RNF150: variants seen among roughly 807,000 people sequenced by gnomAD.
The protein encoded by RNF150 is ring finger protein 150.
RNF150 carries 24 observed loss-of-function variants against 39.3 expected under a neutral mutation model. The observed-to-expected ratio is 0.61, with a 90% CI of 0.44 to 0.86. RNF150 has a LOEUF of 0.86. Among genes scored for constraint, RNF150 ranks in the 40% least tolerant of loss-of-function variants. The pLI, the probability that RNF150 is intolerant of heterozygous loss-of-function variation, is 0.00. For missense variants in RNF150, 502 were observed against 587.8 expected (o/e 0.85, Z 1.51); for synonymous variants, 255 against 227.3 (o/e 1.12, Z -1.10).
intron 5 of RNF150, among the ~76,000 whole-genome samples, chr4:140,924,507 A>C (rs150798775): frequency 7.9e-5 from 12 of 152,190 alleles, no homozygotes; most frequent in Non-Finnish European, 1.5e-4. Flanking sequence ...ATAGGAACAC[A>C]TCAAAGGATG....
At chr4:141,123,739 C>T (rs1415097829) in intron 1 of RNF150, among the ~76,000 whole-genome samples, 5 of 152,064 alleles carry the variant, frequency 3.3e-5, no homozygotes, top group Non-Finnish European at 7.4e-5. Context: ...GTGTGGTGTT[C>T]CCCACCCTAT....
chr4:141,017,310 C>A (rs997580181), intron 1 of RNF150, among the ~76,000 whole-genome samples: 3 of 152,068 alleles, frequency 2.0e-5, no homozygotes, highest in Non-Finnish European at 2.9e-5. Flanking sequence ...TCACCTTAGA[C>A]ATCTTTTAAA....
At chr4:140,942,356 G>C (rs1039612591) in intron 4 of RNF150, among the ~76,000 whole-genome samples, 4 of 152,194 alleles carry the variant, frequency 2.6e-5, no homozygotes, top group Non-Finnish European at 5.9e-5. Flanking sequence ...AGAGAAGGCA[G>C]TGCTGCTCTC....
intron 1 of RNF150, among the ~76,000 whole-genome samples, chr4:141,031,072 G>A (rs1429204972): frequency 3.3e-5 from 5 of 151,890 alleles, no homozygotes. Flanking sequence ...AACTCCATTA[G>A]AACCCTGTAG....
At chr4:140,983,460 T>C (rs919170119) in intron 1 of RNF150, among the ~76,000 whole-genome samples, 5 of 152,166 alleles carry the variant, frequency 3.3e-5, no homozygotes, top group Non-Finnish European at 5.9e-5. Flanking sequence ...GGTAACTGCA[T>C]GTCTTTTTTG....
chr4:141,008,724 G>A (rs1379405537), intron 1 of RNF150, among the ~76,000 whole-genome samples: 1 of 152,118 alleles, frequency 6.6e-6, no homozygotes, highest in Non-Finnish European at 1.5e-5. Context: ...GTTCTGCTCT[G>A]ATTCTGGATT....
chr4:140,888,949 T>G (rs12640427), intron 6 of RNF150, among the ~76,000 whole-genome samples: 21,725 of 152,208 alleles, frequency 0.14, 1,837 homozygotes, highest in East Asian at 0.38. Context: ...ACGAAGGAGA[T>G]AGATAAGAAA....
At chr4:140,971,199 A>AG (rs1733449444) in intron 1 of RNF150, among the ~76,000 whole-genome samples, 1 of 151,968 alleles carries the variant, frequency 6.6e-6, no homozygotes, top group Admixed American at 6.6e-5. Flanking sequence ...AGTTTCAGGG[A>AG]GAAGCCAGCA....
chr4:141,011,919 C>T (rs1383977648), intron 1 of RNF150, among the ~76,000 whole-genome samples: 5 of 152,202 alleles, frequency 3.3e-5, no homozygotes, highest in African/African-American at 1.2e-4. Context: ...ATTTTGGGAG[C>T]TTATCAAGGG....
chr4:141,154,490 G>T (rs948639258), intron 1 of RNF150, among the ~76,000 whole-genome samples: 7 of 152,206 alleles, frequency 4.6e-5, no homozygotes, highest in African/African-American at 1.7e-4. Flanking sequence ...TGGGCTAAAT[G>T]CTGGGGGGCT....
intron 1 of RNF150, among the ~76,000 whole-genome samples, chr4:141,068,914 C>A (rs1737571398): frequency 7.4e-6 from 1 of 135,874 alleles, no homozygotes; most frequent in African/African-American, 2.7e-5. Context: ...GATTTTGTAT[C>A]CTGAGACTTT....
At position 140,861,686 on chromosome 4, in the gene RNF150, T is replaced by C. The variant is rs1728497447; in HGVS notation, c.*6575A>G. On this transcript the variant is annotated 3_prime_UTR_variant, in exon 7 of 7. Transcript: ENST00000515673. ...CCCATTAGTACAGGCAACAGTTTTG[T>C]ATCTTCTTCGAAAGAGCAGGATATA... The C allele has an allele frequency of 1.3e-5, 2 of 152,244 alleles. No homozygotes were observed. The allele number at this position is 152,244 out of a possible 1,614,324, so 9.4% of individuals were successfully genotyped here. A position where few individuals can be genotyped will look rare whatever the true frequency, so the allele number is the denominator to read the frequency against.
chr4:140,970,380 TC>T lies in RNF150; in HGVS notation c.485-2508del, dbSNP rs1294625453. On this transcript the variant is annotated intron_variant, in intron 1 of 6. Coordinates refer to ENST00000515673, the MANE Select transcript of RNF150 (RefSeq NM_020724.2). The stretch of plus-strand genomic sequence containing the variant: ...TTGCTCTTGTTGTGAGGTTGACCTA[TC>T]TTTTGCTGAACCTGTAACAGGCTGT... 5.9e-5 allele frequency among the ~76,000 whole-genome samples: 9 copies of T among 152,280 alleles called. 1 individual carries two copies. Among genetic ancestry groups the T allele is most frequent in the Admixed American group, 3.9e-4 (6 of 15,282 alleles).
At chr4:141,082,452 T>C (rs1738191042) in intron 1 of RNF150, among the ~76,000 whole-genome samples, 1 of 152,240 alleles carries the variant, frequency 6.6e-6, no homozygotes, top group Non-Finnish European at 1.5e-5. Flanking sequence ...TGGTCTTCAT[T>C]TCCTGAGACA....
chr4:141,161,167 T>G (rs1291319064), intron 1 of RNF150, among the ~76,000 whole-genome samples: 2 of 152,068 alleles, frequency 1.3e-5, no homozygotes, highest in African/African-American at 4.8e-5. Flanking sequence ...GATAATGAGG[T>G]CTTAGATGAA....
At chr4:141,105,175 G>A (rs1032335521) in intron 1 of RNF150, among the ~76,000 whole-genome samples, 2 of 152,162 alleles carry the variant, frequency 1.3e-5, no homozygotes, top group African/African-American at 2.4e-5. Flanking sequence ...ATGTATGCCT[G>A]TATATAAGTG....
intron 1 of RNF150, among the ~76,000 whole-genome samples, chr4:141,041,112 AGG>A (rs1560704720): frequency 5.9e-5 from 9 of 152,182 alleles, no homozygotes; most frequent in Non-Finnish European, 1.2e-4. Context: ...AGTCTCTACT[AGG>A]TAGTACTAAG....
At chr4:141,176,482 CT>C (rs1043208997) in intron 1 of RNF150, among the ~76,000 whole-genome samples, 1 of 152,108 alleles carries the variant, frequency 6.6e-6, no homozygotes, top group African/African-American at 2.4e-5. Flanking sequence ...TGCTTTGTTA[CT>C]TTTTTTAAAT....
At chr4:141,069,859 T>C (rs922778519) in intron 1 of RNF150, among the ~76,000 whole-genome samples, 6 of 152,220 alleles carry the variant, frequency 3.9e-5, no homozygotes, top group African/African-American at 1.4e-4. Flanking sequence ...GAGGTGTTTG[T>C]AGTATTCTCT....
Sources: gnomAD v4.1 joint callset for allele counts (sites outside exome capture counted in the v4.1 genomes callset) on GRCh38, gnomAD v4.1.1 for gene constraint, MANE v1.5 for transcripts, NCBI Gene and HGNC (gene_info 2026-07-23, HGNC 2026-07-21) for gene names.